LCMT1: variants seen among roughly 807,000 people sequenced by gnomAD.
LCMT1 encodes leucine carboxyl methyltransferase 1, also known as [Phosphatase 2A protein]-leucine-carboxy methyltransferase 1.
Under a neutral mutation model 47.7 loss-of-function variants are expected in LCMT1, and 32 were observed. That is an observed-to-expected ratio of 0.67 (90% confidence interval 0.51 to 0.90). LCMT1 has a LOEUF of 0.90. LCMT1 is among the 40% of genes least tolerant of loss of function. The pLI is 0.00. For missense variants in LCMT1, 375 were observed against 415.2 expected (o/e 0.90, Z 0.84); for synonymous variants, 152 against 149.7 (o/e 1.02, Z -0.11).
chr16:25,150,333 G>GTTT lies in LCMT1; in HGVS notation c.405-1195_405-1193dup, dbSNP rs35240331. Reference sequence around the variant, plus strand: ...ATCAAGGCATCTTCATAGTTTTCTGGTTTTTTTTTTTTTTTTTTTTTTTTT... The same window carrying GTTT: ...ATCAAGGCATCTTCATAGTTTTCTGGTTTTTTTTTTTTTTTTTTTTTTTTTTTT... On this transcript the variant is annotated intron_variant, in intron 4 of 10. Transcript: ENST00000399069. Among the ~76,000 whole-genome samples, 26 of 93,554 alleles carry GTTT rather than the reference G, an allele frequency of 2.8e-4. 1 individual carries two copies. Among genetic ancestry groups the GTTT allele is most frequent in the East Asian group, 7.5e-4 (2 of 2,652 alleles). The allele number at this position is 93,554 out of a possible 152,430, so 61.4% of individuals were successfully genotyped here. A position where few individuals can be genotyped will look rare whatever the true frequency, so the allele number is the denominator to read the frequency against.
At chr16:25,114,044 AATT>A (rs1381415586) in intron 1 of LCMT1, among the ~76,000 whole-genome samples, 2 of 152,172 alleles carry the variant, frequency 1.3e-5, no homozygotes, top group Non-Finnish European at 2.9e-5. Flanking sequence ...GCCCTCAGTA[AATT>A]ATTATTGCTA....
chr16:25,156,803 A>C (rs1321430509), intron 5 of LCMT1, among the ~76,000 whole-genome samples: 1 of 152,144 alleles, frequency 6.6e-6, no homozygotes, highest in Non-Finnish European at 1.5e-5. Context: ...AAGCCCCATG[A>C]GGGCAGGGAC....
chr16:25,146,678 T>G (rs1960866794), intron 4 of LCMT1: 1 of 152,210 alleles, frequency 6.6e-6, no homozygotes, highest in Non-Finnish European at 1.5e-5. Context: ...CCTCCAAATT[T>G]TCTGTAATTT....
At chr16:25,150,727 G>GA (rs1267255357) in intron 4 of LCMT1, among the ~76,000 whole-genome samples, 1 of 151,602 alleles carries the variant, frequency 6.6e-6, no homozygotes, top group African/African-American at 2.4e-5. Context: ...TTCTTATATT[G>GA]AAAAAAATGT....
At chr16:25,130,083 G>T (rs949233785) in intron 2 of LCMT1, among the ~76,000 whole-genome samples, 1 of 152,170 alleles carries the variant, frequency 6.6e-6, no homozygotes, top group Non-Finnish European at 1.5e-5. Flanking sequence ...GCTCACACCT[G>T]TAATTCCAGC....
chr16:25,152,748 C>T (rs1453574987), intron 5 of LCMT1, among the ~76,000 whole-genome samples: 3 of 152,168 alleles, frequency 2.0e-5, no homozygotes, highest in Admixed American at 2.0e-4. Context: ...CCCCACGACT[C>T]TCTGGTATCT....
chr16:25,174,182 G>A (rs1428570445), intron 9 of LCMT1, among the ~76,000 whole-genome samples: 3 of 152,198 alleles, frequency 2.0e-5, no homozygotes, highest in Admixed American at 1.3e-4. Context: ...AAAGTGCTGG[G>A]ATTACAGGCG....
intron 1 of LCMT1, among the ~76,000 whole-genome samples, chr16:25,127,420 C>G (rs932570047): frequency 6.6e-6 from 1 of 152,134 alleles, no homozygotes; most frequent in Non-Finnish European, 1.5e-5. Context: ...TGGTGAGTTG[C>G]TGCATGGAGC....
intron 6 of LCMT1, among the ~76,000 whole-genome samples, chr16:25,162,874 G>A (rs1961472652): frequency 7.1e-5 from 1 of 14,034 alleles, no homozygotes; most frequent in Non-Finnish European, 1.4e-4. Flanking sequence ...GTATAATTTT[G>A]GAACTTTTTG....
chr16:25,126,863 A>G (rs1409586279), intron 1 of LCMT1, among the ~76,000 whole-genome samples: 1 of 152,182 alleles, frequency 6.6e-6, no homozygotes, highest in Non-Finnish European at 1.5e-5. Context: ...TGATGAGATC[A>G]TTTCTAAGGT....
chr16:25,124,877 C>G (rs568419466), intron 1 of LCMT1, among the ~76,000 whole-genome samples: 1 of 152,216 alleles, frequency 6.6e-6, no homozygotes, highest in East Asian at 1.9e-4. Flanking sequence ...CTATTTATTA[C>G]AGTGTTGTGT....
intron 9 of LCMT1, among the ~76,000 whole-genome samples, chr16:25,173,605 T>C (rs1159439007): frequency 6.6e-6 from 1 of 152,222 alleles, no homozygotes; most frequent in Non-Finnish European, 1.5e-5. Flanking sequence ...CTATTGTGAA[T>C]AGTAGGAATA....
intron 1 of LCMT1, among the ~76,000 whole-genome samples, chr16:25,120,357 G>A (rs1247852710): frequency 6.6e-6 from 1 of 151,032 alleles, no homozygotes; most frequent in Non-Finnish European, 1.5e-5. Flanking sequence ...CCGAGTAGCT[G>A]GGATTACAGG....
At chr16:25,156,027 T>C (rs967803522) in intron 5 of LCMT1, among the ~76,000 whole-genome samples, 9 of 152,184 alleles carry the variant, frequency 5.9e-5, no homozygotes, top group African/African-American at 2.2e-4. Flanking sequence ...CACACAGATA[T>C]CTTACTGTTC....
intron 4 of LCMT1, chr16:25,147,411 C>CTG (rs1289669806): frequency 2.6e-5 from 4 of 152,342 alleles, no homozygotes; most frequent in African/African-American, 9.6e-5. Flanking sequence ...GGGCCTGAGG[C>CTG]TGTGGAGGTC....
chr16:25,127,569 T>C (rs1342021618), intron 1 of LCMT1, among the ~76,000 whole-genome samples: 4 of 152,196 alleles, frequency 2.6e-5, no homozygotes, highest in Non-Finnish European at 4.4e-5. Context: ...TTCTAGAAGC[T>C]GAGAGACATG....
intron 3 of LCMT1, 125 bp downstream of exon 3, chr16:25,132,648 C>G (rs1960386987): frequency 9.9e-7 from 1 of 1,009,056 alleles, no homozygotes; most frequent in Non-Finnish European, 1.4e-6. Flanking sequence ...CACCCCTGTC[C>G]CATCTGCCTA....
rs1256097316 is a variant in LCMT1 at position 25,111,752 on chromosome 16, C to T, written c.-132C>T. The T allele has an allele frequency of 4.7e-6, 3 of 635,598 alleles. No homozygotes were observed. Among genetic ancestry groups the T allele is most frequent in the Non-Finnish European group, 8.5e-6 (3 of 353,044 alleles). The allele number at this position is 635,598 out of a possible 1,614,324, so 39.4% of individuals were successfully genotyped here. On this transcript the variant is annotated 5_prime_UTR_variant, in exon 1 of 11. Transcript: ENST00000399069. Reference sequence around the variant, plus strand: ...GCCGGCGTGGGCGGCGTCACTGAGCCGCGCCAGCTGAGCCAGGTAGGGCCC... The same window carrying T: ...GCCGGCGTGGGCGGCGTCACTGAGCTGCGCCAGCTGAGCCAGGTAGGGCCC...
chr16:25,116,182 G>A (rs1959778156), intron 1 of LCMT1, among the ~76,000 whole-genome samples: 1 of 152,178 alleles, frequency 6.6e-6, no homozygotes, highest in Non-Finnish European at 1.5e-5. Context: ...GGGTGATTTG[G>A]GGGAGGGTCA....
Sources: allele counts gnomAD v4.1 joint callset (sites outside exome capture counted in the v4.1 genomes callset), GRCh38; gene constraint gnomAD v4.1.1; transcripts MANE v1.5; gene names NCBI Gene and HGNC (gene_info 2026-07-23, HGNC 2026-07-21).